CHN2: variants seen among roughly 807,000 people sequenced by gnomAD.
CHN2 encodes the protein chimerin 2.
In CHN2, 35 loss-of-function variants were observed where a neutral mutation model predicts 56.3. The observed-to-expected ratio is 0.62, with a 90% CI of 0.47 to 0.82. CHN2 has a LOEUF of 0.82. Among genes scored for constraint, CHN2 ranks in the 40% least tolerant of loss-of-function variants. The pLI is 0.00. For missense variants in CHN2, 491 were observed against 580.5 expected (o/e 0.85, Z 1.58); for synonymous variants, 210 against 212.8 (o/e 0.99, Z 0.12).
chr7:29,176,740 A>C (rs1797399904), intron 2 of CHN2, among the ~76,000 whole-genome samples: 1 of 152,220 alleles, frequency 6.6e-6, no homozygotes, highest in African/African-American at 2.4e-5. Flanking sequence ...ATAAAACAAC[A>C]AATAATGGCT....
At chr7:29,231,421 T>C (rs1331149210) in intron 1 of CHN2, among the ~76,000 whole-genome samples, 4 of 152,196 alleles carry the variant, frequency 2.6e-5, no homozygotes, top group African/African-American at 4.8e-5. Context: ...GACAGTCTTA[T>C]CTACGTATCT....
intron 1 of CHN2, among the ~76,000 whole-genome samples, chr7:29,222,964 A>C (rs1354814242): frequency 2.0e-5 from 3 of 152,198 alleles, no homozygotes; most frequent in Non-Finnish European, 4.4e-5. Context: ...ATATCTGACA[A>C]AGTACTTGTA....
intron 1 of CHN2, chr7:29,292,793 T>G: frequency 2.3e-6 from 1 of 428,964 alleles, no homozygotes; most frequent in Non-Finnish European, 4.8e-6. Context: ...TTTATCTGTA[T>G]TCAAAATATG....
chr7:29,434,192 G>T (rs930150299), intron 6 of CHN2, among the ~76,000 whole-genome samples: 1 of 152,092 alleles, frequency 6.6e-6, no homozygotes, highest in Non-Finnish European at 1.5e-5. Flanking sequence ...TCTTTGCCCC[G>T]CATCACCACA....
chr7:29,365,406 C>G (rs188965856), intron 2 of CHN2, among the ~76,000 whole-genome samples: 1 of 152,242 alleles, frequency 6.6e-6, no homozygotes, highest in East Asian at 1.9e-4. Context: ...TTGGAACTCA[C>G]ATCAATAAAT....
At chr7:29,228,342 A>G (rs1412272640) in intron 1 of CHN2, among the ~76,000 whole-genome samples, 1 of 152,156 alleles carries the variant, frequency 6.6e-6, no homozygotes, top group African/African-American at 2.4e-5. Flanking sequence ...TAGATACACA[A>G]ATACTTTCCA....
chr7:29,458,971 C>T (rs368619003), intron 6 of CHN2, among the ~76,000 whole-genome samples: 1 of 152,224 alleles, frequency 6.6e-6, no homozygotes, highest in Admixed American at 6.5e-5. Context: ...GTTAAGAACT[C>T]TGTTGCCTTG....
chr7:29,208,654 C>T (rs1435267109), intron 1 of CHN2, among the ~76,000 whole-genome samples: 2 of 152,178 alleles, frequency 1.3e-5, no homozygotes, highest in Non-Finnish European at 2.9e-5. Context: ...GTTCCTGGGA[C>T]CTGCTGTTCA....
At chr7:29,220,089 A>AATT (rs397789390) in intron 1 of CHN2, among the ~76,000 whole-genome samples, 1 of 147,820 alleles carries the variant, frequency 6.8e-6, no homozygotes, top group African/African-American at 2.7e-5. Context: ...AAATAAAAAA[A>AATT]TTTAAAAAAA....
intron 1 of CHN2, among the ~76,000 whole-genome samples, chr7:29,242,054 T>C (rs1444247102): frequency 2.0e-5 from 3 of 152,204 alleles, no homozygotes; most frequent in South Asian, 2.1e-4. Flanking sequence ...AAGGGCTCTA[T>C]ACACAGGTGC....
intron 1 of CHN2, among the ~76,000 whole-genome samples, chr7:29,221,488 A>G (rs1785788401): frequency 6.6e-6 from 1 of 151,718 alleles, no homozygotes; most frequent in Admixed American, 6.6e-5. Flanking sequence ...AAGTTCCGGG[A>G]TGTATGTGTA....
intron 7 of CHN2, among the ~76,000 whole-genome samples, chr7:29,487,491 T>A (rs1178063771): frequency 6.6e-6 from 1 of 152,156 alleles, no homozygotes; most frequent in South Asian, 2.1e-4. Context: ...AAGTCCTTGT[T>A]TTCAAGTAAT....
chr7:29,421,844 C>T (rs755169988), intron 6 of CHN2, among the ~76,000 whole-genome samples: 5 of 152,138 alleles, frequency 3.3e-5, no homozygotes, highest in Non-Finnish European at 5.9e-5. Flanking sequence ...TGAACACCGG[C>T]CCATATATAT....
At chr7:29,498,758 CTTTTTTTTTT>C (rs138784356) in intron 8 of CHN2, among the ~76,000 whole-genome samples, 17 of 100,074 alleles carry the variant, frequency 1.7e-4, no homozygotes, top group African/African-American at 7.4e-4. Flanking sequence ...ACTATGCTGC[CTTTTTTTTTT>C]TTTTTTTTTT....
chr7:29,459,188 C>T (rs1784975503), intron 6 of CHN2, among the ~76,000 whole-genome samples: 1 of 152,176 alleles, frequency 6.6e-6, no homozygotes. Flanking sequence ...ATGAAAGGCT[C>T]AAGTTCACAC....
chr7:29,511,968 G>A (rs1235902696), intron 12 of CHN2, among the ~76,000 whole-genome samples: 1 of 152,088 alleles, frequency 6.6e-6, no homozygotes, highest in South Asian at 2.1e-4. Flanking sequence ...ACCTCATCCT[G>A]TGGGAACTAG....
intron 7 of CHN2, among the ~76,000 whole-genome samples, chr7:29,482,797 C>CTTTTCTTTTTTTTTT (rs1787429870): frequency 1.6e-5 from 1 of 64,206 alleles, no homozygotes; most frequent in Non-Finnish European, 2.9e-5. Flanking sequence ...GCACTTTTTT[C>CTTTTCTTTTTTTTTT]TTTTTTTTTT....
At chr7:29,271,165 C>A (rs1028774014) in intron 1 of CHN2, among the ~76,000 whole-genome samples, 1 of 152,242 alleles carries the variant, frequency 6.6e-6, no homozygotes, top group African/African-American at 2.4e-5. Flanking sequence ...CCAACTCCCT[C>A]TTTTAGTCAG....
intron 1 of CHN2, among the ~76,000 whole-genome samples, chr7:29,293,431 C>T (rs1013978236): frequency 6.9e-6 from 1 of 145,194 alleles, no homozygotes; most frequent in Non-Finnish European, 1.5e-5. Flanking sequence ...TTTTCAGCCA[C>T]GCTTGCGAAT....
Sources: gnomAD v4.1 joint callset for allele counts (sites outside exome capture counted in the v4.1 genomes callset) on GRCh38, gnomAD v4.1.1 for gene constraint, MANE v1.5 for transcripts, NCBI Gene and HGNC (gene_info 2026-07-23, HGNC 2026-07-21) for gene names.